Variants in ADAM33 observed in about 807,000 individuals in gnomAD.
ADAM33 encodes the protein disintegrin and metalloproteinase domain-containing protein 33.
Under a neutral mutation model 106.2 loss-of-function variants are expected in ADAM33, and 103 were observed. The observed-to-expected ratio is 0.97, with a 90% CI of 0.83 to 1.14. The LOEUF is 1.14. ADAM33 is among the 50% of genes most tolerant of loss of function. The pLI is 0.00. For missense variants in ADAM33, 1,120 were observed against 1,096.6 expected, an observed-to-expected ratio of 1.02 and a Z score of -0.30; for synonymous variants, 483 against 453.0, an observed-to-expected ratio of 1.07 and a Z score of -0.84.
rs1217293790 is a variant in ADAM33 at position 3,675,948 on chromosome 20, T to C, written c.255-843A>G. Among the ~76,000 whole-genome samples the C allele has an allele frequency of 1.4e-5, 2 of 141,024 alleles. No individual in the cohort carries two copies. The highest frequency in any genetic ancestry group is 2.1e-4 in the East Asian group (1 of 4,806). The allele number at this position is 141,024 out of a possible 152,430, so 92.5% of individuals were successfully genotyped here. A position where few individuals can be genotyped will look rare whatever the true frequency, so the allele number is the denominator to read the frequency against. On this transcript the variant is annotated intron_variant, in intron 3 of 21. Coordinates refer to ENST00000356518, the MANE Select transcript of ADAM33 (RefSeq NM_025220.5). This position sits in a 1 kb window ranked among gnomAD's most constrained non-coding sequence, Gnocchi z 4.1. The stretch of plus-strand genomic sequence containing the variant: ...CACACACACCCGCCACCCTAGGAGG[T>C]AGGTGATGTGACCACCCCATTGAAA...
chr20:3,672,167 G>T lies in ADAM33; in HGVS notation c.1564C>A (p.Leu522Met). The T allele has an allele frequency of 6.2e-7, 1 of 1,613,086 alleles. No homozygotes were observed. Among genetic ancestry groups the T allele is most frequent in the Non-Finnish European group, 8.5e-7 (1 of 1,179,896 alleles). The change falls in exon 14 of 22, where the codon CTG becomes ATG. Residue 522 changes from leucine to methionine, a missense_variant. Coordinates refer to ENST00000356518, the MANE Select transcript of ADAM33 (RefSeq NM_025220.5). ...GYCWDGACPT[L>M]EQQCQQLWGP... ...CAGAGCTGCTGGCACTGCTGCTCCAGCGTGGGACATGCGCCATCCCAGCAG... is the reference window on the plus strand; with the variant it reads ...CAGAGCTGCTGGCACTGCTGCTCCATCGTGGGACATGCGCCATCCCAGCAG...
chr20:3,678,764 C>T (rs1351890018), intron 2 of ADAM33, among the ~76,000 whole-genome samples: 1 of 152,236 alleles, frequency 6.6e-6, no homozygotes, highest in Non-Finnish European at 1.5e-5. Flanking sequence ...TGACCATGGA[C>T]AATTTCCCCA....
rs532949711 is a variant in ADAM33 at position 3,674,022 on chromosome 20, C to T, written c.738+42G>A. 9 of 1,612,830 alleles carry T rather than the reference C, an allele frequency of 5.6e-6. No individual in the cohort carries two copies. The South Asian group carries it at 8.8e-5, about 16-fold the overall frequency. ...CCCCACCAGCACCTGCCTGTCCTGCCGCCGCCACCCCCATCACCGCTCTCT... is the reference window on the plus strand; with the variant it reads ...CCCCACCAGCACCTGCCTGTCCTGCTGCCGCCACCCCCATCACCGCTCTCT... On this transcript the variant is annotated intron_variant, in intron 8 of 21. Transcript: ENST00000356518.
At chr20:3,670,481 G>A (rs1421513736) in intron 19 of ADAM33, 1 of 164,262 alleles carries the variant, frequency 6.1e-6, no homozygotes, top group Non-Finnish European at 1.3e-5. Flanking sequence ...AGAGAACTGG[G>A]TTAAGGCAGG....
rs1568811636 is a variant in ADAM33, at chr20:3,674,633, G to GC, written c.470dup (p.Ser158LeufsTer189). The GC allele has an allele frequency of 2.5e-6, 4 of 1,612,948 alleles. No individual in the cohort carries two copies. Among genetic ancestry groups the GC allele is most frequent in the Non-Finnish European group, 3.4e-6 (4 of 1,179,682 alleles). ...TCTCGTGGGTTGAGAAGTCCTTGGA[G>GC]CCCCGGGGTGGCCAGGGACGCAGAT... On this transcript the variant is annotated frameshift_variant, in exon 6 of 22. Coordinates refer to ENST00000356518, the MANE Select transcript of ADAM33 (RefSeq NM_025220.5). LOFTEE classifies it high-confidence loss of function.
chr20:3,672,692 C>T (rs1418175049), intron 12 of ADAM33, 29 bp downstream of exon 12: 3 of 1,594,750 alleles, frequency 1.9e-6, no homozygotes, highest in Non-Finnish European at 2.6e-6. Flanking sequence ...GCGGAGAGGG[C>T]AAGTGGGGGC....
chr20:3,671,491 G>A lies in ADAM33; in HGVS notation c.1911C>T (p.Cys637=). 6.2e-7 allele frequency: 1 copy of A among 1,610,760 alleles called. No individual in the cohort carries two copies. Among genetic ancestry groups the A allele is most frequent in the East Asian group, 2.2e-5 (1 of 44,812 alleles). Residue 637 remains cysteine (C), a synonymous_variant, in exon 17 of 22, where the codon TGC becomes TGT. Coordinates refer to ENST00000356518, the MANE Select transcript of ADAM33 (RefSeq NM_025220.5). ...PGTQCGPRMV[C]QSRRCRKNAF... ...CATTCTTCCTGCAGCGCCTGCTCTG[G>A]CACACCTACGGGCAGTGCACCAGGC...
At chr20:3,673,110 A>T in intron 11 of ADAM33, 4 of 1,455,836 alleles carry the variant, frequency 2.7e-6, no homozygotes, top group Non-Finnish European at 2.7e-6. Context: ...TCGCGACCCG[A>T]CGGTGCTCCT....
chr20:3,672,427 A>T, intron 13 of ADAM33, 98 bp from the exon 14 acceptor site: 1 of 1,576,324 alleles, frequency 6.3e-7, no homozygotes, highest in Non-Finnish European at 8.6e-7. Context: ...AGCCAGGCCT[A>T]CCCAAGCCCA....
Position 3,673,348 on chromosome 20 carries a change from G to A in ADAM33, c.1133+6C>T. 1.3e-6 allele frequency: 2 copies of A among 1,537,858 alleles called. No homozygotes were observed. Among genetic ancestry groups the A allele is most frequent in the East Asian group, 2.4e-5 (1 of 41,106 alleles). On this transcript the variant is annotated splice_donor_region_variant and intron_variant, in intron 11 of 21. Transcript: ENST00000356518. The stretch of plus-strand genomic sequence containing the variant: ...CCGCCGCAGCCCCGACCCCCCACCC[G>A]CGTACCCGGTGGCCGCAGCCATGAC...
At chr20:3,672,442 C>A in intron 13 of ADAM33, 95 bp downstream of exon 13, 1 of 1,578,822 alleles carries the variant, frequency 6.3e-7, no homozygotes, top group South Asian at 1.2e-5. Context: ...AGCCCAGCAC[C>A]CAACGGGGGA....
Position 3,675,733 on chromosome 20 carries a change from C to G in ADAM33, c.255-628G>C, listed in dbSNP as rs1000659117. Among the ~76,000 whole-genome samples the G allele has an allele frequency of 1.2e-4, 18 of 152,150 alleles. No homozygotes were observed. Among genetic ancestry groups the G allele is most frequent in the Non-Finnish European group, 2.6e-4 (18 of 68,024 alleles). Reference sequence around the variant, plus strand: ...CCCACTCCGGTAATGATTCCATCTTCAGGCTCCATCTCAACAGGATCTTTC... The same window carrying G: ...CCCACTCCGGTAATGATTCCATCTTGAGGCTCCATCTCAACAGGATCTTTC... On this transcript the variant is annotated intron_variant, in intron 3 of 21. Transcript: ENST00000356518. This position sits in a 1 kb window ranked among gnomAD's most constrained non-coding sequence, Gnocchi z 4.1.
intron 2 of ADAM33, among the ~76,000 whole-genome samples, chr20:3,677,693 C>T (rs567586231): frequency 7.1e-4 from 108 of 152,314 alleles, no homozygotes; most frequent in African/African-American, 2.5e-3. Flanking sequence ...AGCCCCCGTC[C>T]CTCCGGCTCC....
At position 3,668,972 on chromosome 20, in the gene ADAM33, G is replaced by T. The variant is rs142167062; in HGVS notation, c.2433C>A (p.Cys811Ter). The change falls in exon 22 of 22, where the codon TGC becomes TGA. Residue 811 changes from cysteine (C) to a stop codon, truncating the protein, a stop_gained. Transcript: ENST00000356518. LOFTEE classifies it high-confidence loss of function. ...TTTTAGGAGCTACCTCTCACCAGAG[G>T]CAGGATCTTGGCATCTGGACTTGAT... ...QADQVQMPRS[C>*]LW is the part of the protein sequence containing the mutation. 6.2e-5 allele frequency: 100 copies of T among 1,613,330 alleles called. No individual in the cohort carries two copies. In the Middle Eastern group the frequency reaches 6.6e-4, roughly 11 times the overall value.
intron 15 of ADAM33, 30 bp from the exon 16 acceptor site, chr20:3,671,809 C>T: frequency 1.9e-6 from 3 of 1,552,146 alleles, no homozygotes; most frequent in South Asian, 2.4e-5. Flanking sequence ...GGGTCAACAG[C>T]TGCAGTACCC....
chr20:3,673,056 A>C, intron 11 of ADAM33, 158 bp from the exon 12 acceptor site: 1 of 1,437,802 alleles, frequency 7.0e-7, no homozygotes, highest in Non-Finnish European at 9.1e-7. Context: ...GGGACAGGGG[A>C]CGATGCGGCC....
chr20:3,678,225 G>A (rs2088146221), intron 2 of ADAM33, among the ~76,000 whole-genome samples: 1 of 152,244 alleles, frequency 6.6e-6, no homozygotes, highest in South Asian at 2.1e-4. Flanking sequence ...CTGGTACCCT[G>A]CCCCTTGATA....
chr20:3,669,528 C>A lies in ADAM33; in HGVS notation c.2332+18G>T. The A allele has an allele frequency of 6.4e-7, 1 of 1,566,970 alleles. No individual in the cohort carries two copies. Among genetic ancestry groups the A allele is most frequent in the Non-Finnish European group, 8.7e-7 (1 of 1,154,970 alleles). ...CCTTCTCCCTTCCCTCTCCACCTCC[C>A]CCTGGTGCCTCACTCACCCAGGGGC... On this transcript the variant is annotated intron_variant, in intron 20 of 21. Transcript: ENST00000356518.
rs1319927508 is a variant in ADAM33, at chr20:3,679,590, A to G, written c.98-19T>C. ...ATATGTCCTGGAGTAAAGACAGAGC[A>G]CAGGGTGAGGGGGACCTGAGGAACA... On this transcript the variant is annotated intron_variant, in intron 1 of 21. Coordinates refer to ENST00000356518, the MANE Select transcript of ADAM33 (RefSeq NM_025220.5). 2 of 1,597,162 alleles carry G rather than the reference A, an allele frequency of 1.3e-6. No individual in the cohort carries two copies. Among genetic ancestry groups the G allele is most frequent in the African/African-American group, 2.7e-5 (2 of 74,638 alleles).
Sources: allele counts gnomAD v4.1 joint callset (sites outside exome capture counted in the v4.1 genomes callset), GRCh38; gene constraint gnomAD v4.1.1; non-coding constraint Gnocchi (gnomAD v3.1); transcripts MANE v1.5; gene names NCBI Gene and HGNC (gene_info 2026-07-23, HGNC 2026-07-21).